CEP170: variants seen among roughly 807,000 people sequenced by gnomAD.
The protein encoded by CEP170 is centrosomal protein 170, also known as centrosomal protein of 170 kDa.
In CEP170, 21 loss-of-function variants were observed where a neutral mutation model predicts 151.9. The ratio of observed to expected loss-of-function variants is 0.14; its 90% confidence interval spans 0.10 to 0.20. The LOEUF is 0.20. Among genes scored for constraint, CEP170 ranks in the 10% least tolerant of loss-of-function variants. The pLI is 1.00. For synonymous variants in CEP170, 356 were observed against 648.8 expected, an observed-to-expected ratio of 0.55 and a Z score of 6.86; for missense variants, 964 against 1,892.9, an observed-to-expected ratio of 0.51 and a Z score of 9.11.
chr1:243,139,152 A>G (rs1371446291), intron 16 of CEP170, among the ~76,000 whole-genome samples: 1 of 148,800 alleles, frequency 6.7e-6, no homozygotes, highest in Non-Finnish European at 1.5e-5. Flanking sequence ...CCCAGGCTGG[A>G]GTGCAGTGGT....
chr1:243,174,299 T>G (rs2059076120), intron 10 of CEP170, among the ~76,000 whole-genome samples: 2 of 151,476 alleles, frequency 1.3e-5, no homozygotes, highest in Non-Finnish European at 2.9e-5. Flanking sequence ...CCAATTTTTA[T>G]TCTTTATAGT....
intron 7 of CEP170, among the ~76,000 whole-genome samples, chr1:243,197,554 T>G (rs2060735736): frequency 1.3e-5 from 2 of 152,014 alleles, no homozygotes; most frequent in South Asian, 4.1e-4. Flanking sequence ...TGGAAGGTCT[T>G]CCGGAAGTAA....
chr1:243,173,605 A>G (rs1043053647), intron 10 of CEP170, among the ~76,000 whole-genome samples: 7 of 151,596 alleles, frequency 4.6e-5, no homozygotes, highest in Non-Finnish European at 8.8e-5. Flanking sequence ...GCATGGTGCC[A>G]TGTGCCTATA....
At position 243,251,923 on chromosome 1, in the gene CEP170, AC is replaced by A. The variant is rs764305694; in HGVS notation, c.-42+3116del. Among the ~76,000 whole-genome samples, 150 of 152,284 alleles carry A rather than the reference AC, an allele frequency of 9.9e-4. 1 individual carries two copies. The highest frequency in any genetic ancestry group is 3.4e-3 in the Middle Eastern group (1 of 294). On this transcript the variant is annotated intron_variant, in intron 1 of 19. Transcript: ENST00000366542. ...GGCTAAAACATTTCTGCTAAACTGG[AC>A]AATATATCCAGTTTAATCAACCACA...
At chr1:243,135,141 T>A (rs1361526472) in intron 17 of CEP170, among the ~76,000 whole-genome samples, 3 of 152,198 alleles carry the variant, frequency 2.0e-5, no homozygotes, top group Non-Finnish European at 2.9e-5. Context: ...ATAAGGAATT[T>A]TAAATTAATA....
chr1:243,215,922 T>C (rs923041748), intron 3 of CEP170, among the ~76,000 whole-genome samples: 143 of 152,232 alleles, frequency 9.4e-4, no homozygotes, highest in African/African-American at 3.3e-3. Flanking sequence ...TCTTTCCCTT[T>C]ATTTCTCAGA....
chr1:243,159,763 T>TTGTGTGTGTGTGTGTG (rs565534328), intron 13 of CEP170, among the ~76,000 whole-genome samples: 2,847 of 127,078 alleles, frequency 0.022, 81 homozygotes, highest in East Asian at 0.038. Flanking sequence ...GTTTCCGGTT[T>TTGTGTGTGTGTGTGTG]TGTGTGTGTG....
rs1199270126 is a variant in CEP170 at position 243,164,231 on chromosome 1, A to T, written c.3676+53T>A. On this transcript the variant is annotated intron_variant, in intron 13 of 19. Transcript: ENST00000366542. ...ACTTTTTTTTTTAAAAAAAAAAAGG[A>T]GCCCCCAAATATACAACATGCTAAT... The T allele has an allele frequency of 3.0e-6, 4 of 1,313,048 alleles. No individual in the cohort carries two copies. In the East Asian group the frequency reaches 1.1e-4, roughly 35 times the overall value. The allele number at this position is 1,313,048 out of a possible 1,614,324, so 81.3% of individuals were successfully genotyped here.
In CEP170 at chr1:243,185,263, T is replaced by C. The variant is rs1194927887; in HGVS notation, c.1566+516A>G. On this transcript the variant is annotated intron_variant, in intron 10 of 19. Coordinates refer to ENST00000366542, the MANE Select transcript of CEP170 (RefSeq NM_014812.3). This position sits in a 1 kb window ranked among gnomAD's most constrained non-coding sequence, Gnocchi z 4.9. ...ATAAACAACTGATTTTGTTTTCATATACTTCTCTTCTACCACCAATGACAG... is the reference window on the plus strand; with the variant it reads ...ATAAACAACTGATTTTGTTTTCATACACTTCTCTTCTACCACCAATGACAG... Among the ~76,000 whole-genome samples the C allele has an allele frequency of 6.6e-6, 1 of 152,326 alleles. No individual in the cohort carries two copies. Among genetic ancestry groups the C allele is most frequent in the African/African-American group, 2.4e-5 (1 of 41,578 alleles).
chr1:243,209,881 GA>G (rs1467975248), intron 4 of CEP170, among the ~76,000 whole-genome samples: 1 of 152,064 alleles, frequency 6.6e-6, no homozygotes, highest in East Asian at 1.9e-4. Context: ...TTTTAGTAGA[GA>G]TGGGGTTTCA....
chr1:243,213,376 T>TA (rs1335899357), intron 3 of CEP170, among the ~76,000 whole-genome samples: 6 of 152,172 alleles, frequency 3.9e-5, no homozygotes, highest in Non-Finnish European at 8.8e-5. Context: ...TTTCACCTAT[T>TA]AAAGAGCACA....
At chr1:243,247,910 G>A (rs1002087106) in intron 1 of CEP170, among the ~76,000 whole-genome samples, 6 of 152,138 alleles carry the variant, frequency 3.9e-5, no homozygotes, top group African/African-American at 1.4e-4. Context: ...CATCTACCTC[G>A]TTTGGCTACC....
At chr1:243,235,680 TAAAAAA>T (rs754978054) in intron 1 of CEP170, among the ~76,000 whole-genome samples, 7 of 136,010 alleles carry the variant, frequency 5.1e-5, no homozygotes, top group Non-Finnish European at 8.1e-5. Flanking sequence ...GCATTAAAAC[TAAAAAA>T]AAAAAAAAAT....
At position 243,125,458 on chromosome 1, in the gene CEP170, G is replaced by C. The variant is rs1489546133; in HGVS notation, c.*991C>G. ...AATCTTACGACTACTGGTTCTCCAA[G>C]TCCCCTAATGAAGAAAATTTTAACC... is the stretch of plus-strand genomic sequence containing the variant. On this transcript the variant is annotated 3_prime_UTR_variant, in exon 20 of 20. Coordinates refer to ENST00000366542, the MANE Select transcript of CEP170 (RefSeq NM_014812.3). The C allele has an allele frequency of 6.6e-6, 1 of 152,650 alleles. No homozygotes were observed. Among genetic ancestry groups the C allele is most frequent in the Admixed American group, 6.5e-5 (1 of 15,272 alleles). 9.5% of individuals were successfully genotyped at this position (152,650 alleles called of 1,614,324 possible).
intron 2 of CEP170, among the ~76,000 whole-genome samples, chr1:243,223,409 T>G (rs970093238): frequency 1.3e-5 from 2 of 152,194 alleles, no homozygotes; most frequent in African/African-American, 4.8e-5. Flanking sequence ...CAGAGAATGG[T>G]GGCTTTCGAA....
chr1:243,251,385 CTTTAGCCAAAAAGACAAAGGT>C (rs1484668284), intron 1 of CEP170, among the ~76,000 whole-genome samples: 1 of 152,122 alleles, frequency 6.6e-6, no homozygotes, highest in Admixed American at 6.5e-5. Flanking sequence ...AGAATTTTGG[CTTTAGCCAAAAAGACAAAGGT>C]TCAATTATAG....
chr1:243,219,797 AAAG>A (rs2062629352), intron 3 of CEP170, among the ~76,000 whole-genome samples: 1 of 152,244 alleles, frequency 6.6e-6, no homozygotes, highest in South Asian at 2.1e-4. Flanking sequence ...CAATTCCACT[AAAG>A]AAAGATTTAC....
rs1484478153 is a variant in CEP170 at position 243,255,229 on chromosome 1, C to T, written c.-231G>A. ...AACGTTATTCCACACACGCCCCACACATAGCGGTAACGGCAAAGACCGACT... is the reference window on the plus strand; with the variant it reads ...AACGTTATTCCACACACGCCCCACATATAGCGGTAACGGCAAAGACCGACT... On this transcript the variant is annotated 5_prime_UTR_variant, in exon 1 of 20. It adds an upstream start codon to the 5' untranslated region. Coordinates refer to ENST00000366542, the MANE Select transcript of CEP170 (RefSeq NM_014812.3). The T allele has an allele frequency of 6.5e-6, 1 of 152,826 alleles. No individual in the cohort carries two copies. Among genetic ancestry groups the T allele is most frequent in the Admixed American group, 6.5e-5 (1 of 15,296 alleles). 9.5% of individuals were successfully genotyped at this position (152,826 alleles called of 1,614,324 possible).
intron 10 of CEP170, among the ~76,000 whole-genome samples, chr1:243,173,102 C>G (rs910389086): frequency 2.6e-5 from 4 of 151,778 alleles, no homozygotes; most frequent in Non-Finnish European, 4.4e-5. Flanking sequence ...CTCTTGTTGC[C>G]CAGGCTGGAG....
Sources: gnomAD v4.1 joint callset for allele counts (sites outside exome capture counted in the v4.1 genomes callset) on GRCh38, gnomAD v4.1.1 for gene constraint, Gnocchi (gnomAD v3.1) non-coding constraint, MANE v1.5 for transcripts, NCBI Gene and HGNC (gene_info 2026-07-23, HGNC 2026-07-21) for gene names.